NTSR1: variants seen among roughly 807,000 people sequenced by gnomAD.
NTSR1 encodes neurotensin receptor type 1.
In NTSR1, 29 loss-of-function variants were observed where a neutral mutation model predicts 31.2. The ratio of observed to expected loss-of-function variants is 0.93; its 90% CI spans 0.69 to 1.27. The LOEUF (loss-of-function observed/expected upper bound fraction) is 1.27. NTSR1 is among the 50% of genes most tolerant of loss of function. The pLI is 0.00. For synonymous variants in NTSR1, 282 were observed against 269.9 expected (o/e 1.04, Z -0.44); for missense variants, 697 against 595.4 (o/e 1.17, Z -1.78).
In NTSR1 at chr20:62,714,600, A is replaced by T. The variant is rs1361479130; in HGVS notation, c.714+4679A>T. Among the ~76,000 whole-genome samples the T allele has an allele frequency of 6.6e-6, 1 of 152,178 alleles. No homozygotes were observed. The highest frequency in any genetic ancestry group is 2.4e-5 in the African/African-American group (1 of 41,430). ...CTCGTGGCATCCTTGGAGCAAAGCC[A>T]TTGAATCTGAATCTCATGGAGCCCC... On this transcript the variant is annotated intron_variant, in intron 1 of 3. Transcript: ENST00000370501. This position sits in a 1 kb window ranked among gnomAD's most constrained non-coding sequence, Gnocchi z 4.1.
chr20:62,737,504 G>T (rs1600727761), intron 1 of NTSR1, among the ~76,000 whole-genome samples: 1 of 152,156 alleles, frequency 6.6e-6, no homozygotes, highest in Non-Finnish European at 1.5e-5. Context: ...GGGGCCACTT[G>T]TCCTACTTGC....
At chr20:62,749,167 C>T (rs1172778109) in intron 1 of NTSR1, among the ~76,000 whole-genome samples, 3 of 152,272 alleles carry the variant, frequency 2.0e-5, no homozygotes, top group African/African-American at 4.8e-5. Context: ...GTAGGCCGGG[C>T]GCGGTGGCTC....
chr20:62,748,966 T>G (rs1443478786), intron 1 of NTSR1, among the ~76,000 whole-genome samples: 1 of 152,146 alleles, frequency 6.6e-6, no homozygotes, highest in Non-Finnish European at 1.5e-5. Context: ...CCCCTGGGCC[T>G]TGGACTTCCC....
rs73918647 is a variant in NTSR1 at position 62,732,736 on chromosome 20, G to A, written c.715-21949G>A. 1.8e-4 allele frequency: 28 copies of A among 152,268 alleles called. No individual in the cohort carries two copies. The highest frequency in any genetic ancestry group is 6.5e-4 in the African/African-American group (27 of 41,516). 9.4% of individuals were successfully genotyped at this position (152,268 alleles called of 1,614,324 possible). ...CCGGCCTCGTAGAGTGAGTTATAAA[G>A]TGTTCCTCTGCTTCTATTTCCTGGA... On this transcript the variant is annotated intron_variant, in intron 1 of 3. Transcript: ENST00000370501. This position sits in a 1 kb window ranked among gnomAD's most constrained non-coding sequence, Gnocchi z 4.0.
At chr20:62,739,857 C>T (rs923161430) in intron 1 of NTSR1, among the ~76,000 whole-genome samples, 1 of 152,238 alleles carries the variant, frequency 6.6e-6, no homozygotes, top group Non-Finnish European at 1.5e-5. Context: ...AACAGGCCGG[C>T]GGGGTGCGGG....
chr20:62,727,013 C>T (rs1988918550), intron 1 of NTSR1, among the ~76,000 whole-genome samples: 1 of 152,192 alleles, frequency 6.6e-6, no homozygotes, highest in African/African-American at 2.4e-5. Flanking sequence ...GGGTCCTTGC[C>T]AGAGCTTGTG....
chr20:62,747,996 C>A (rs1275475922), intron 1 of NTSR1, among the ~76,000 whole-genome samples: 3 of 152,072 alleles, frequency 2.0e-5, no homozygotes, highest in Non-Finnish European at 2.9e-5. Context: ...GCCAACATGG[C>A]AAAGCCCAGT....
At chr20:62,735,187 T>G (rs75492577) in intron 1 of NTSR1, 14,143 of 152,546 alleles carry the variant, frequency 0.093, 1,591 homozygotes, top group East Asian at 0.31. Flanking sequence ...AAAACCATGG[T>G]TAGGGGGTGG....
intron 1 of NTSR1, among the ~76,000 whole-genome samples, chr20:62,740,529 G>C (rs989424864): frequency 6.6e-6 from 1 of 152,252 alleles, no homozygotes; most frequent in African/African-American, 2.4e-5. Context: ...GATCTTACAA[G>C]CCGTGCAGGC....
chr20:62,741,382 AGAG>A lies in NTSR1; in HGVS notation c.715-13298_715-13296del, dbSNP rs1009004488. On this transcript the variant is annotated intron_variant, in intron 1 of 3. Coordinates refer to ENST00000370501, the MANE Select transcript of NTSR1 (RefSeq NM_002531.3). The surrounding 1 kb of genome is among the most constrained non-coding windows in gnomAD (Gnocchi z 4.3). ...AGGGCTCCCTGCTGCCTGGAAGAGGAGAGGAGGGCAAACCTCTTGCAGAGGTGA... is the reference window on the plus strand; with the variant it reads ...AGGGCTCCCTGCTGCCTGGAAGAGGAGAGGGCAAACCTCTTGCAGAGGTGA... Among the ~76,000 whole-genome samples the A allele has an allele frequency of 1.2e-4, 17 of 142,848 alleles. 3 individuals carry two copies. Among genetic ancestry groups the A allele is most frequent in the African/African-American group, 4.1e-4 (15 of 36,378 alleles). The allele number at this position is 142,848 out of a possible 152,430, so 93.7% of individuals were successfully genotyped here.
intron 1 of NTSR1, among the ~76,000 whole-genome samples, chr20:62,751,034 C>A (rs1288796930): frequency 6.6e-6 from 1 of 152,080 alleles, no homozygotes; most frequent in Non-Finnish European, 1.5e-5. Flanking sequence ...TGCCAGCATG[C>A]CTGGATGATT....
chr20:62,725,976 A>AC (rs1398919100), intron 1 of NTSR1, among the ~76,000 whole-genome samples: 1 of 152,084 alleles, frequency 6.6e-6, no homozygotes, highest in African/African-American at 2.4e-5. Flanking sequence ...CTGTACACCA[A>AC]CCTCATGGGC....
Position 62,758,846 on chromosome 20 carries a change from G to A in NTSR1, c.1007+490G>A, listed in dbSNP as rs1303334818. 6.6e-6 allele frequency among the ~76,000 whole-genome samples: 1 copy of A among 152,216 alleles called. No individual in the cohort carries two copies. Among genetic ancestry groups the A allele is most frequent in the African/African-American group, 2.4e-5 (1 of 41,450 alleles). Reference sequence around the variant, plus strand: ...AAAGACACATGGAGTGGGGTCAGCGGAAGACCAGATGCAGCTTCCAGGGCC... The same window carrying A: ...AAAGACACATGGAGTGGGGTCAGCGAAAGACCAGATGCAGCTTCCAGGGCC... On this transcript the variant is annotated intron_variant, in intron 3 of 3. Transcript: ENST00000370501. This position sits in a 1 kb window ranked among gnomAD's most constrained non-coding sequence, Gnocchi z 4.5.
chr20:62,747,634 G>A (rs1989323900), intron 1 of NTSR1, among the ~76,000 whole-genome samples: 2 of 152,198 alleles, frequency 1.3e-5, no homozygotes, highest in South Asian at 2.1e-4. Context: ...GTCCTGGAAG[G>A]CCTAGCCAGA....
At chr20:62,739,792 A>G (rs1989169593) in intron 1 of NTSR1, among the ~76,000 whole-genome samples, 1 of 152,268 alleles carries the variant, frequency 6.6e-6, no homozygotes, top group Admixed American at 6.5e-5. Context: ...GCAGAAAAGC[A>G]CACAGAGAAC....
At chr20:62,752,281 G>A (rs1368411206) in intron 1 of NTSR1, among the ~76,000 whole-genome samples, 1 of 152,228 alleles carries the variant, frequency 6.6e-6, no homozygotes, top group Non-Finnish European at 1.5e-5. Context: ...GCTTGTTGTG[G>A]AGGTGGGGGG....
At chr20:62,752,331 C>G (rs916785715) in intron 1 of NTSR1, among the ~76,000 whole-genome samples, 2 of 152,206 alleles carry the variant, frequency 1.3e-5, no homozygotes, top group African/African-American at 2.4e-5. Context: ...CAGGAAAGGA[C>G]GGCGCAAGCC....
At position 62,715,246 on chromosome 20, in the gene NTSR1, T is replaced by C. The variant is rs973662288; in HGVS notation, c.714+5325T>C. Among the ~76,000 whole-genome samples the C allele has an allele frequency of 1.3e-5, 2 of 152,214 alleles. No individual in the cohort carries two copies. Among genetic ancestry groups the C allele is most frequent in the Non-Finnish European group, 2.9e-5 (2 of 68,034 alleles). On this transcript the variant is annotated intron_variant, in intron 1 of 3. Transcript: ENST00000370501. This position sits in a 1 kb window ranked among gnomAD's most constrained non-coding sequence, Gnocchi z 4.7. ...GAGAGGGCAGGACAGGGAGGTGACC[T>C]TGGCCTTGTTCCAGGCACCAGACCT... is the stretch of plus-strand genomic sequence containing the variant.
chr20:62,751,854 G>T (rs1483132946), intron 1 of NTSR1, among the ~76,000 whole-genome samples: 1 of 152,204 alleles, frequency 6.6e-6, no homozygotes, highest in Non-Finnish European at 1.5e-5. Flanking sequence ...CCATGCCTGG[G>T]TGGCCAGTCT....
Sources: allele counts gnomAD v4.1 joint callset (sites outside exome capture counted in the v4.1 genomes callset), GRCh38; gene constraint gnomAD v4.1.1; non-coding constraint Gnocchi (gnomAD v3.1); transcripts MANE v1.5; gene names NCBI Gene and HGNC (gene_info 2026-07-23, HGNC 2026-07-21).